Variants in DUSP29 observed in about 807,000 individuals in gnomAD.
DUSP29 encodes atypical dual-specific protein phosphatase.
A neutral mutation model predicts 13.5 loss-of-function variants in DUSP29; 12 were observed. That is an observed-to-expected ratio of 0.89 (90% confidence interval 0.57 to 1.44). The LOEUF (loss-of-function observed/expected upper bound fraction) is 1.44, where lower values mean the gene tolerates loss of function less well. Ranked by LOEUF, DUSP29 falls within the 40% of genes most tolerant of loss-of-function variation. The pLI is 0.00. For missense variants in DUSP29, 308 were observed against 301.1 expected (o/e 1.02, Z -0.17); for synonymous variants, 134 against 128.7 (o/e 1.04, Z -0.28).
intron 2 of DUSP29, among the ~76,000 whole-genome samples, chr10:75,055,618 T>C (rs979421727): frequency 2.0e-5 from 3 of 152,126 alleles, no homozygotes; most frequent in African/African-American, 4.8e-5. Flanking sequence ...GTTTAGTGGG[T>C]TCAGGGTTTC....
At chr10:75,068,272 AC>A (rs1196425944) in intron 1 of DUSP29, among the ~76,000 whole-genome samples, 3 of 152,064 alleles carry the variant, frequency 2.0e-5, no homozygotes, top group African/African-American at 7.2e-5. Context: ...GCAGTTCAAG[AC>A]CAGCCTGGGC....
chr10:75,047,405 T>C (rs920211279), intron 2 of DUSP29, among the ~76,000 whole-genome samples: 11 of 152,288 alleles, frequency 7.2e-5, no homozygotes, highest in Admixed American at 6.5e-4. Flanking sequence ...TCAGCAATTA[T>C]TGGGAGTGGG....
chr10:75,045,049 G>C (rs1355439522), intron 2 of DUSP29, among the ~76,000 whole-genome samples: 1 of 152,174 alleles, frequency 6.6e-6, no homozygotes, highest in Admixed American at 6.5e-5. Flanking sequence ...ACTGTGCTGG[G>C]TGCTGATGGT....
chr10:75,062,012 C>A (rs551842424), intron 1 of DUSP29, among the ~76,000 whole-genome samples: 46 of 152,336 alleles, frequency 3.0e-4, no homozygotes, highest in Non-Finnish European at 4.6e-4. Flanking sequence ...TGCCCTCCCC[C>A]ACGGGTGGTC....
intron 3 of DUSP29, among the ~76,000 whole-genome samples, chr10:75,039,339 A>T (rs1417093078): frequency 6.6e-6 from 1 of 152,204 alleles, no homozygotes; most frequent in Non-Finnish European, 1.5e-5. Flanking sequence ...AGCCTGGCCA[A>T]CATGGCAAAA....
rs560466708 is a variant in DUSP29, at chr10:75,062,224, C to T, written c.-34-3676G>A. Among the ~76,000 whole-genome samples the T allele has an allele frequency of 5.3e-5, 8 of 152,312 alleles. No homozygotes were observed. The East Asian group carries it at 1.5e-3, about 29-fold the overall frequency. ...TGTGAAGCTCAGCTCGTCCATGGCA[C>T]CCACTCTTCTTGTTCGAAGTGAGTA... On this transcript the variant is annotated intron_variant, in intron 1 of 3. Transcript: ENST00000338487.
At chr10:75,059,795 C>G (rs1462093143) in intron 1 of DUSP29, among the ~76,000 whole-genome samples, 2 of 152,196 alleles carry the variant, frequency 1.3e-5, no homozygotes, top group African/African-American at 4.8e-5. Flanking sequence ...CTTATCAAAA[C>G]TGGAACAATT....
At position 75,037,954 on chromosome 10, in the gene DUSP29, C is replaced by CA; in HGVS notation, c.544dup (p.Cys182LeufsTer32). ...CAAAAAGCCCCGGTTCGGGAGGACG[C>CA]AGCGGTTCTTGGCCACTTGCTGGAT... On this transcript the variant is annotated frameshift_variant, in exon 4 of 4. Coordinates refer to ENST00000338487, the MANE Select transcript of DUSP29 (RefSeq NM_001003892.3). LOFTEE classifies it low-confidence loss of function (END_TRUNC). 6.2e-7 allele frequency: 1 copy of CA among 1,613,984 alleles called. No homozygotes were observed. Among genetic ancestry groups the CA allele is most frequent in the Non-Finnish European group, 8.5e-7 (1 of 1,180,038 alleles).
At chr10:75,048,356 C>T (rs1467980248) in intron 2 of DUSP29, among the ~76,000 whole-genome samples, 2 of 148,348 alleles carry the variant, frequency 1.3e-5, no homozygotes, top group Non-Finnish European at 3.0e-5. Flanking sequence ...CTTTTTTTTA[C>T]TCTTCCCAGT....
intron 2 of DUSP29, among the ~76,000 whole-genome samples, chr10:75,046,134 A>G (rs1404712594): frequency 6.6e-6 from 1 of 152,126 alleles, no homozygotes; most frequent in African/African-American, 2.4e-5. Context: ...AAAAGAAAAA[A>G]GAAAGAAAGA....
intron 1 of DUSP29, among the ~76,000 whole-genome samples, chr10:75,058,939 G>A (rs981513105): frequency 2.0e-5 from 3 of 152,178 alleles, no homozygotes; most frequent in African/African-American, 7.2e-5. Flanking sequence ...AAAATAGGAA[G>A]GCCCAGAAGA....
chr10:75,067,200 T>C (rs1847222694), intron 1 of DUSP29, among the ~76,000 whole-genome samples: 1 of 152,056 alleles, frequency 6.6e-6, no homozygotes, highest in Admixed American at 6.5e-5. Context: ...TCTCAAGCAA[T>C]CCTCCTGTCT....
chr10:75,047,907 T>G (rs1239216833), intron 2 of DUSP29, among the ~76,000 whole-genome samples: 2 of 151,278 alleles, frequency 1.3e-5, no homozygotes, highest in Non-Finnish European at 2.9e-5. Context: ...TATAGAAAGG[T>G]TTTTTTTTGG....
At chr10:75,068,064 C>T (rs1847241480) in intron 1 of DUSP29, among the ~76,000 whole-genome samples, 2 of 152,322 alleles carry the variant, frequency 1.3e-5, no homozygotes, top group South Asian at 4.1e-4. Flanking sequence ...CCACCCCCAT[C>T]AGCTTCCCAA....
In DUSP29 at chr10:75,058,364, G is replaced by A. The variant is rs1482787087; in HGVS notation, c.151C>T (p.Gln51Ter). ...CAGACCTCGTTGACGTGGGTGTACTGGGGACTGCCCTTCCAGAAGAGCCGC... is the reference window on the plus strand; with the variant it reads ...CAGACCTCGTTGACGTGGGTGTACTAGGGACTGCCCTTCCAGAAGAGCCGC... The part of the protein sequence containing the change: ...LERLFWKGSP[Q>*]YTHVNEVWPK... The change falls in exon 2 of 4, where the codon CAG becomes TAG. Residue 51 changes from glutamine to a stop codon, truncating the protein, a stop_gained. Coordinates refer to ENST00000338487, the MANE Select transcript of DUSP29 (RefSeq NM_001003892.3). LOFTEE classifies it high-confidence loss of function. The A allele has an allele frequency of 2.5e-6, 4 of 1,614,062 alleles. No individual in the cohort carries two copies. The highest frequency in any genetic ancestry group is 2.7e-5 in the African/African-American group (2 of 74,932).
intron 3 of DUSP29, among the ~76,000 whole-genome samples, chr10:75,040,645 AG>A (rs1238015598): frequency 3.3e-5 from 5 of 152,358 alleles, no homozygotes; most frequent in Admixed American, 6.5e-5. Context: ...ATAAGGGCAG[AG>A]GACTCTTCTG....
At chr10:75,054,591 A>T (rs1165875439) in intron 2 of DUSP29, among the ~76,000 whole-genome samples, 2 of 152,212 alleles carry the variant, frequency 1.3e-5, no homozygotes, top group African/African-American at 4.8e-5. Context: ...ATATACCACA[A>T]TATTAATAGG....
Position 75,037,724 on chromosome 10 carries a change from T to C in DUSP29, c.*112A>G. On this transcript the variant is annotated 3_prime_UTR_variant, in exon 4 of 4. Transcript: ENST00000338487. Reference sequence around the variant, plus strand: ...CATGGGGAAGTTGAACAAGATGGTTTGGAAGAGTCGAGCTTCGGTTTCACC... The same window carrying C: ...CATGGGGAAGTTGAACAAGATGGTTCGGAAGAGTCGAGCTTCGGTTTCACC... The C allele has an allele frequency of 6.7e-7, 1 of 1,488,200 alleles. No individual in the cohort carries two copies. The highest frequency in any genetic ancestry group is 8.9e-7 in the Non-Finnish European group (1 of 1,118,766). The allele number at this position is 1,488,200 out of a possible 1,614,324, so 92.2% of individuals were successfully genotyped here.
At chr10:75,058,672 T>C (rs1847020895) in intron 1 of DUSP29, among the ~76,000 whole-genome samples, 124 bp from the exon 2 acceptor site, 1 of 152,218 alleles carries the variant, frequency 6.6e-6, no homozygotes, top group Non-Finnish European at 1.5e-5. Flanking sequence ...CAACCTGCTA[T>C]GCCCCGGCTT....
Sources: allele counts gnomAD v4.1 joint callset (sites outside exome capture counted in the v4.1 genomes callset), GRCh38; gene constraint gnomAD v4.1.1; transcripts MANE v1.5; gene names NCBI Gene and HGNC (gene_info 2026-07-23, HGNC 2026-07-21).